ANKRD36: variants seen among roughly 807,000 people sequenced by gnomAD.
The protein encoded by ANKRD36 is ankyrin repeat domain-containing protein 36A.
In ANKRD36, 179 loss-of-function variants were observed where a neutral mutation model predicts 278.1. The ratio of observed to expected loss-of-function variants is 0.64; its 90% CI spans 0.57 to 0.73. The LOEUF (loss-of-function observed/expected upper bound fraction) is 0.73. Ranked by LOEUF, ANKRD36 falls within the 30% of genes least tolerant of loss-of-function variation. The probability of loss-of-function intolerance (pLI) is 0.00; values close to 1 mark genes in which losing one functional copy is unlikely to be tolerated. For synonymous variants in ANKRD36, 320 were observed against 641.1 expected (o/e 0.50, Z 7.57); for missense variants, 1,159 against 1,956.7 (o/e 0.59, Z 7.69).
chr2:97,131,532 G>C (rs2040151833), intron 6 of ANKRD36, among the ~76,000 whole-genome samples: 2 of 151,894 alleles, frequency 1.3e-5, no homozygotes, highest in South Asian at 4.2e-4. Flanking sequence ...TGAGTTTAAA[G>C]TCCTATTGGC....
chr2:97,149,315 C>G lies in ANKRD36; in HGVS notation c.1055C>G (p.Ala352Gly). The change falls in exon 12 of 76, where the codon GCT (alanine) becomes GGT (glycine). Residue 352 changes from alanine (A) to glycine (G), a missense_variant. Physicochemically the swap from Ala to Gly is moderately conservative, Grantham distance 60. Coordinates refer to ENST00000420699, the MANE Select transcript of ANKRD36 (RefSeq NM_001354587.1). ...CLNRSLYRPD[A>G]VAQPVTENEF... The stretch of plus-strand genomic sequence containing the variant: ...TGTAGGAGTCTCTACAGACCTGATG[C>G]TGTTGCACAGCCTGTGACAGAGAAT... 6.5e-7 allele frequency: 1 copy of G among 1,534,142 alleles called. No homozygotes were observed. Among genetic ancestry groups the G allele is most frequent in the South Asian group, 1.2e-5 (1 of 83,784 alleles).
chr2:97,201,134 G>T (rs538359998), intron 46 of ANKRD36, among the ~76,000 whole-genome samples: 219 of 152,000 alleles, frequency 1.4e-3, no homozygotes, highest in Non-Finnish European at 9.7e-4. Flanking sequence ...CTGGAAGCAG[G>T]AAACAGTGTT....
intron 44 of ANKRD36, 45 bp from the exon 45 acceptor site, chr2:97,200,289 A>T: frequency 6.2e-7 from 1 of 1,606,740 alleles, no homozygotes; most frequent in Non-Finnish European, 8.5e-7. Context: ...GGATAATTTT[A>T]TCATGTTTAC....
chr2:97,171,667 A>C (rs1471216933), intron 22 of ANKRD36, among the ~76,000 whole-genome samples: 1 of 148,914 alleles, frequency 6.7e-6, no homozygotes, highest in Admixed American at 6.8e-5. Flanking sequence ...TAACCTGCAC[A>C]ATGTGCACAT....
chr2:97,140,379 G>A (rs537493661), intron 6 of ANKRD36, among the ~76,000 whole-genome samples: 5 of 152,024 alleles, frequency 3.3e-5, no homozygotes, highest in African/African-American at 7.2e-5. Context: ...GGTTTTATGT[G>A]TAGTTAAACA....
chr2:97,130,381 G>A (rs568567981), intron 6 of ANKRD36, among the ~76,000 whole-genome samples: 58 of 148,062 alleles, frequency 3.9e-4, no homozygotes, highest in Non-Finnish European at 5.2e-4. Context: ...TCACTCATAG[G>A]TGGGAATTGA....
intron 18 of ANKRD36, chr2:97,163,570 A>G (rs766112212): frequency 8.9e-6 from 2 of 224,628 alleles, no homozygotes; most frequent in Admixed American, 6.2e-5. Flanking sequence ...GAAGCGAATG[A>G]TACATTTTCT....
intron 28 of ANKRD36, among the ~76,000 whole-genome samples, chr2:97,184,195 C>A (rs1216819998): frequency 6.6e-6 from 1 of 151,614 alleles, no homozygotes; most frequent in African/African-American, 2.4e-5. Context: ...CCTGAGTGAA[C>A]TCACTTCAGA....
Position 97,244,121 on chromosome 2 carries a change from A to C in ANKRD36, c.4491+92A>C, listed in dbSNP as rs1295672177. 2.8e-6 allele frequency: 4 copies of C among 1,434,432 alleles called. No individual in the cohort carries two copies. In the African/African-American group the frequency reaches 5.7e-5, roughly 20 times the overall value. The allele number at this position is 1,434,432 out of a possible 1,614,324, so 88.9% of individuals were successfully genotyped here. A position where few individuals can be genotyped will look rare whatever the true frequency, so the allele number is the denominator to read the frequency against. The stretch of plus-strand genomic sequence containing the variant: ...ATTTAACGTATATTATTTAGGCCTG[A>C]ACAATCCCCAAATTTTATTTCATCT... On this transcript the variant is annotated intron_variant, in intron 70 of 75. Transcript: ENST00000420699.
chr2:97,131,506 C>G (rs1474201406), intron 6 of ANKRD36, among the ~76,000 whole-genome samples: 1 of 152,002 alleles, frequency 6.6e-6, no homozygotes, highest in South Asian at 2.1e-4. Context: ...TCTATAACTT[C>G]CTTTATTCCC....
At chr2:97,179,955 A>G in intron 24 of ANKRD36, 22 bp downstream of exon 24, 1 of 1,603,534 alleles carries the variant, frequency 6.2e-7, no homozygotes, top group South Asian at 1.1e-5. Context: ...AAACACATCT[A>G]ATGTCATGTT....
At chr2:97,206,315 C>T (rs1259664866) in intron 52 of ANKRD36, among the ~76,000 whole-genome samples, 180 bp downstream of exon 52, 2 of 151,450 alleles carry the variant, frequency 1.3e-5, no homozygotes, top group African/African-American at 2.4e-5. Context: ...ACATGATCTT[C>T]GCTGTAAGAT....
rs1380459278 is a variant in ANKRD36, at chr2:97,198,366, G to A, written c.2654-97G>A. ...AGCCATCAAAGCGTACACTAATACAGGCAGGAGGACAGAGGTTGATGCTAA... is the reference window on the plus strand; with the variant it reads ...AGCCATCAAAGCGTACACTAATACAAGCAGGAGGACAGAGGTTGATGCTAA... On this transcript the variant is annotated intron_variant, in intron 42 of 75. Coordinates refer to ENST00000420699, the MANE Select transcript of ANKRD36 (RefSeq NM_001354587.1). The A allele has an allele frequency of 9.1e-6, 14 of 1,542,818 alleles. No individual in the cohort carries two copies. The African/African-American group carries it at 1.5e-4, about 17-fold the overall frequency.
chr2:97,206,005 T>C, intron 51 of ANKRD36, 37 bp downstream of exon 51: 1 of 1,546,290 alleles, frequency 6.5e-7, no homozygotes, highest in Admixed American at 1.9e-5. Context: ...AACGAGTTAA[T>C]ATATGGTCTA....
At chr2:97,242,180 C>T (rs575004909) in intron 69 of ANKRD36, among the ~76,000 whole-genome samples, 3 of 151,414 alleles carry the variant, frequency 2.0e-5, no homozygotes, top group East Asian at 1.9e-4. Context: ...ATCCCAGCTA[C>T]GCAGGAGGCT....
intron 46 of ANKRD36, among the ~76,000 whole-genome samples, chr2:97,201,344 AC>A (rs1485830695): frequency 6.6e-6 from 1 of 151,908 alleles, no homozygotes; most frequent in African/African-American, 2.4e-5. Flanking sequence ...GATACTGCCT[AC>A]AAGGGTATTC....
intron 6 of ANKRD36, among the ~76,000 whole-genome samples, chr2:97,134,425 G>A (rs1436652887): frequency 6.6e-6 from 1 of 152,016 alleles, no homozygotes; most frequent in African/African-American, 2.4e-5. Context: ...CAGTGGAAAG[G>A]GACAATCTCA....
rs566526565 is a variant in ANKRD36, at chr2:97,158,186, G to C, written c.1321+19G>C. The C allele has an allele frequency of 3.0e-5, 43 of 1,454,108 alleles. No individual in the cohort carries two copies. The African/African-American group carries it at 5.8e-4, about 20-fold the overall frequency. The allele number at this position is 1,454,108 out of a possible 1,614,324, so 90.1% of individuals were successfully genotyped here. Reference sequence around the variant, plus strand: ...GAAAATTGTAAGCTATTTGAAACCTGACTATTATATTATCTACTGAATCTT... The same window carrying C: ...GAAAATTGTAAGCTATTTGAAACCTCACTATTATATTATCTACTGAATCTT... On this transcript the variant is annotated intron_variant, in intron 16 of 75. Transcript: ENST00000420699.
At chr2:97,198,324 C>A in intron 42 of ANKRD36, 139 bp from the exon 43 acceptor site, 1 of 1,509,240 alleles carries the variant, frequency 6.6e-7, no homozygotes, top group East Asian at 2.5e-5. Flanking sequence ...CGTTCTAGTC[C>A]CCAGACACAA....
Sources: allele counts gnomAD v4.1 joint callset (sites outside exome capture counted in the v4.1 genomes callset), GRCh38; gene constraint gnomAD v4.1.1; transcripts MANE v1.5; gene names NCBI Gene and HGNC (gene_info 2026-07-23, HGNC 2026-07-21).